HCLS1: variants seen among roughly 807,000 people sequenced by gnomAD.
HCLS1 encodes the protein hematopoietic cell-specific Lyn substrate 1, also known as hematopoietic lineage cell-specific protein.
A neutral mutation model predicts 68.6 loss-of-function variants in HCLS1; 44 were observed. The observed-to-expected ratio is 0.64, with a 90% confidence interval of 0.50 to 0.82. The LOEUF is 0.82. Ranked by LOEUF, HCLS1 falls within the 40% of genes least tolerant of loss-of-function variation. HCLS1 has a pLI of 0.00. For missense variants in HCLS1, 602 were observed against 612.1 expected, an observed-to-expected ratio of 0.98 and a Z score of 0.17; for synonymous variants, 217 against 225.8, an observed-to-expected ratio of 0.96 and a Z score of 0.35.
In HCLS1 at chr3:121,658,479, A is replaced by G; in HGVS notation, c.1-132T>C. 4 of 689,994 alleles carry G rather than the reference A, an allele frequency of 5.8e-6. No individual in the cohort carries two copies. In the South Asian group the frequency reaches 7.2e-5, roughly 13 times the overall value. The allele number at this position is 689,994 out of a possible 1,614,324, so 42.7% of individuals were successfully genotyped here. A position where few individuals can be genotyped will look rare whatever the true frequency, so the allele number is the denominator to read the frequency against. On this transcript the variant is annotated intron_variant, in intron 1 of 13. Transcript: ENST00000314583. Reference sequence around the variant, plus strand: ...TTTTTTTTCTTAGAAGAAAATAGAAAATGAAGCAAAGCAAATGGGAGTTGT... The same window carrying G: ...TTTTTTTTCTTAGAAGAAAATAGAAGATGAAGCAAAGCAAATGGGAGTTGT...
intron 6 of HCLS1, 21 bp downstream of exon 6, chr3:121,642,905 GA>G: frequency 6.3e-7 from 1 of 1,598,256 alleles, no homozygotes; most frequent in Non-Finnish European, 8.6e-7. Flanking sequence ...TGCTGAGGCT[GA>G]GTGAAGTACA....
chr3:121,642,973 G>T lies in HCLS1; in HGVS notation c.408C>A (p.Val136=). 1 of 1,612,574 alleles carries T rather than the reference G, an allele frequency of 6.2e-7. No homozygotes were observed. Among genetic ancestry groups the T allele is most frequent in the South Asian group, 1.1e-5 (1 of 91,026 alleles). ...VERDRADKSA[V]GFDYKGEVEK... is the part of the protein sequence containing the mutation. The stretch of plus-strand genomic sequence containing the variant: ...CCACTTCTCCTTTATAATCAAAGCC[G>T]ACTGCTGACTACAGAGAAGAGGAGA... The change falls in exon 6 of 14, where the codon GTC becomes GTA. Residue 136 remains valine, a synonymous_variant. Coordinates refer to ENST00000314583, the MANE Select transcript of HCLS1 (RefSeq NM_005335.6).
At chr3:121,643,072 G>T in intron 5 of HCLS1, 91 bp from the exon 6 acceptor site, 1 of 996,006 alleles carries the variant, frequency 1.0e-6, no homozygotes, top group South Asian at 1.3e-5. Flanking sequence ...AGCCCCAGAG[G>T]TAGTTTGTAG....
At chr3:121,644,751 A>G (rs554862039) in intron 5 of HCLS1, 67 bp downstream of exon 5, 22 of 1,058,410 alleles carry the variant, frequency 2.1e-5, no homozygotes, top group Non-Finnish European at 3.0e-5. Flanking sequence ...GCCTCCATCC[A>G]GGGGTGATCG....
At chr3:121,634,533 G>T in intron 9 of HCLS1, 115 bp from the exon 10 acceptor site, 2 of 944,480 alleles carry the variant, frequency 2.1e-6, no homozygotes. Context: ...GGATTTGTGG[G>T]ACAGGATGGT....
At chr3:121,645,385 C>T (rs1325036538) in intron 4 of HCLS1, among the ~76,000 whole-genome samples, 3 of 151,908 alleles carry the variant, frequency 2.0e-5, no homozygotes, top group African/African-American at 7.3e-5. Flanking sequence ...CCTGTATGGC[C>T]ATCAAAGTTC....
intron 6 of HCLS1, among the ~76,000 whole-genome samples, chr3:121,641,995 G>C (rs1018502596): frequency 4.7e-5 from 7 of 149,604 alleles, no homozygotes; most frequent in African/African-American, 1.5e-4. Flanking sequence ...CAGGAGAATG[G>C]CGTGAACCCG....
At chr3:121,654,828 C>A (rs566327207) in intron 3 of HCLS1, among the ~76,000 whole-genome samples, 11 of 152,198 alleles carry the variant, frequency 7.2e-5, no homozygotes, top group Admixed American at 4.6e-4. Context: ...TCCAATTTCC[C>A]TCTCCTTTCC....
At chr3:121,643,417 A>C (rs1370287456) in intron 5 of HCLS1, 1 of 166,398 alleles carries the variant, frequency 6.0e-6, no homozygotes, top group African/African-American at 2.4e-5. Context: ...TTTCTTCCTA[A>C]CGAATCCTCA....
chr3:121,652,165 A>G (rs1196746949), intron 3 of HCLS1, among the ~76,000 whole-genome samples: 1 of 152,240 alleles, frequency 6.6e-6, no homozygotes, highest in Non-Finnish European at 1.5e-5. Context: ...TTCTGTTTGC[A>G]TGAAATTCTA....
At chr3:121,633,876 C>T (rs1052571717) in intron 10 of HCLS1, among the ~76,000 whole-genome samples, 7 of 152,300 alleles carry the variant, frequency 4.6e-5, no homozygotes, top group African/African-American at 1.7e-4. Context: ...ACACCCTCTC[C>T]CACTCTCTGC....
intron 9 of HCLS1, among the ~76,000 whole-genome samples, chr3:121,634,693 G>T (rs2049132726): frequency 6.6e-6 from 1 of 151,908 alleles, no homozygotes; most frequent in Non-Finnish European, 1.5e-5. Context: ...GTGCAGTGGT[G>T]CAGTCATGGG....
At chr3:121,639,801 G>A (rs568356444) in intron 6 of HCLS1, among the ~76,000 whole-genome samples, 4 of 152,306 alleles carry the variant, frequency 2.6e-5, no homozygotes, top group South Asian at 4.1e-4. Flanking sequence ...AGCTTTTCAA[G>A]TGCCCATATA....
rs2108856751 is a variant in HCLS1, at chr3:121,634,406, G to A, written c.704C>T (p.Thr235Ile). Residue 235 changes from threonine (T) to isoleucine (I), a missense_variant, in exon 10 of 14, where the codon ACC becomes ATC. By Grantham distance (89) the Thr-to-Ile change is moderately conservative. Transcript: ENST00000314583. ...CTCAAATTTCGCCTTCAGCCCACGG[G>A]TACCACTAGAAGCTGCAGACACAGG... ...TTPIEAASSG[T>I]RGLKAKFESM... 4 of 1,613,994 alleles carry A rather than the reference G, an allele frequency of 2.5e-6. No homozygotes were observed. The highest frequency in any genetic ancestry group is 3.4e-6 in the Non-Finnish European group (4 of 1,179,928).
intron 3 of HCLS1, among the ~76,000 whole-genome samples, chr3:121,648,544 G>A (rs541848807): frequency 2.6e-5 from 4 of 152,166 alleles, no homozygotes; most frequent in Non-Finnish European, 5.9e-5. Flanking sequence ...AGCAAGCAAT[G>A]AGGGTTTAGG....
At position 121,631,586 on chromosome 3, in the gene HCLS1, G is replaced by A; in HGVS notation, c.*260C>T. 1 of 436,030 alleles carries A rather than the reference G, an allele frequency of 2.3e-6. No homozygotes were observed. The highest frequency in any genetic ancestry group is 4.1e-6 in the Non-Finnish European group (1 of 241,006). 27.0% of individuals were successfully genotyped at this position (436,030 alleles called of 1,614,324 possible). On this transcript the variant is annotated 3_prime_UTR_variant, in exon 14 of 14. Transcript: ENST00000314583. ...CACAGAGGAGGAGAGCAGAGCTTGG[G>A]GTGGCAGAGAGGTGTTCATTGGGAA...
At chr3:121,637,053 T>C in intron 7 of HCLS1, 93 bp downstream of exon 7, 1 of 852,776 alleles carries the variant, frequency 1.2e-6, no homozygotes, top group Non-Finnish European at 2.0e-6. Context: ...CATCTGCCCC[T>C]CTGTATTCTG....
intron 5 of HCLS1, chr3:121,643,632 T>A (rs912901299): frequency 6.6e-6 from 1 of 152,280 alleles, no homozygotes; most frequent in African/African-American, 2.4e-5. Flanking sequence ...ACTGGATATG[T>A]TGCCCAGATA....
intron 1 of HCLS1, 102 bp from the exon 2 acceptor site, chr3:121,658,449 C>T: frequency 2.3e-6 from 2 of 869,200 alleles, no homozygotes; most frequent in Middle Eastern, 4.6e-4. Context: ...ATATTTCCTG[C>T]CATTTTTTTT....
Sources: allele counts gnomAD v4.1 joint callset (sites outside exome capture counted in the v4.1 genomes callset), GRCh38; gene constraint gnomAD v4.1.1; transcripts MANE v1.5; gene names NCBI Gene and HGNC (gene_info 2026-07-23, HGNC 2026-07-21).